Variants in HDAC9 observed in about 807,000 individuals in gnomAD.
HDAC9 encodes the protein MEF-2 interacting transcription repressor (MITR) protein.
A neutral mutation model predicts 139.4 loss-of-function variants in HDAC9; 41 were observed. The observed-to-expected ratio is 0.29, with a 90% CI of 0.23 to 0.38. HDAC9 has a LOEUF of 0.38. HDAC9 is among the 10% of genes least tolerant of loss of function. The pLI is 1.00. For synonymous variants in HDAC9, 517 were observed against 476.2 expected, an observed-to-expected ratio of 1.09 and a Z score of -1.12; for missense variants, 1,147 against 1,297.0, an observed-to-expected ratio of 0.88 and a Z score of 1.78.
rs962432225 is a variant in HDAC9, at chr7:18,996,961, A to G, written c.*899A>G. 1 of 152,196 alleles carries G rather than the reference A, an allele frequency of 6.6e-6. No individual in the cohort carries two copies. The highest frequency in any genetic ancestry group is 2.4e-5 in the African/African-American group (1 of 41,436). The allele number at this position is 152,196 out of a possible 1,614,324, so 9.4% of individuals were successfully genotyped here. ...CAAAGGTGGTCTTAATTTGTTGCAT[A>G]TCTATCAAGGACTTATTCACTCACC... is the stretch of plus-strand genomic sequence containing the variant. On this transcript the variant is annotated 3_prime_UTR_variant, in exon 26 of 26. Transcript: ENST00000686413.
intron 23 of HDAC9, among the ~76,000 whole-genome samples, chr7:18,952,397 C>G (rs547102276): frequency 6.6e-6 from 1 of 152,026 alleles, no homozygotes; most frequent in Admixed American, 6.6e-5. Context: ...CAGGAGCCAG[C>G]ACCTTTCAGT....
intron 1 of HDAC9, among the ~76,000 whole-genome samples, chr7:18,334,276 A>C (rs1781424638): frequency 6.6e-6 from 1 of 151,450 alleles, no homozygotes. Context: ...TGTAAGTATA[A>C]AGTAGCAAAT....
intron 21 of HDAC9, among the ~76,000 whole-genome samples, chr7:18,874,119 C>G (rs374463938): frequency 1.3e-4 from 19 of 151,964 alleles, no homozygotes; most frequent in African/African-American, 4.3e-4. Context: ...CTTTGACTTT[C>G]CTCTGTAAAA....
At chr7:18,411,478 G>A (rs904999444) in intron 1 of HDAC9, among the ~76,000 whole-genome samples, 12 of 152,100 alleles carry the variant, frequency 7.9e-5, no homozygotes, top group East Asian at 1.9e-4. Flanking sequence ...GGGTTCAAGC[G>A]ATCCTCCTGC....
chr7:18,576,020 C>T (rs891559066), intron 2 of HDAC9, among the ~76,000 whole-genome samples: 2 of 152,194 alleles, frequency 1.3e-5, no homozygotes, highest in South Asian at 4.1e-4. Context: ...CTCAGAAAAA[C>T]ATCTATATTA....
chr7:18,458,543 A>C (rs1793552942), intron 1 of HDAC9, among the ~76,000 whole-genome samples: 1 of 152,210 alleles, frequency 6.6e-6, no homozygotes, highest in Admixed American at 6.5e-5. Flanking sequence ...CTGGATAACA[A>C]TTCACAAAGA....
intron 15 of HDAC9, among the ~76,000 whole-genome samples, chr7:18,764,506 T>A (rs1181102427): frequency 1.3e-5 from 2 of 152,190 alleles, no homozygotes; most frequent in Admixed American, 1.3e-4. Flanking sequence ...TCCAAAAGTT[T>A]AGCTAATTTT....
chr7:18,832,681 A>G (rs1184786075), intron 19 of HDAC9, among the ~76,000 whole-genome samples: 7 of 152,158 alleles, frequency 4.6e-5, no homozygotes, highest in Admixed American at 1.3e-4. Context: ...CTGACCAATC[A>G]GTACTTTGTA....
At chr7:18,964,293 C>T (rs1478262308) in intron 24 of HDAC9, among the ~76,000 whole-genome samples, 1 of 152,144 alleles carries the variant, frequency 6.6e-6, no homozygotes. Flanking sequence ...AACTCCTATA[C>T]ATACTTCATA....
At chr7:18,632,660 A>G (rs984074181) in intron 7 of HDAC9, among the ~76,000 whole-genome samples, 1 of 152,108 alleles carries the variant, frequency 6.6e-6, no homozygotes, top group African/African-American at 2.4e-5. Flanking sequence ...ATTAGGCTCT[A>G]TTTTGGAGCA....
chr7:18,876,632 G>A (rs1329306180), intron 22 of HDAC9, among the ~76,000 whole-genome samples: 2 of 151,818 alleles, frequency 1.3e-5, no homozygotes, highest in African/African-American at 2.4e-5. Context: ...GTAGTTAGGT[G>A]AAATTGCATG....
intron 1 of HDAC9, among the ~76,000 whole-genome samples, chr7:18,406,893 C>T (rs1321314263): frequency 4.6e-5 from 7 of 151,668 alleles, no homozygotes; most frequent in African/African-American, 1.7e-4. Context: ...AGATGTATTG[C>T]TTAAAATTAC....
At chr7:18,349,069 A>G (rs1004943193) in intron 1 of HDAC9, among the ~76,000 whole-genome samples, 1 of 152,208 alleles carries the variant, frequency 6.6e-6, no homozygotes, top group South Asian at 2.1e-4. Context: ...TTTTCCCAAT[A>G]TGAGAACATG....
At chr7:18,403,266 A>G (rs767856580) in intron 1 of HDAC9, among the ~76,000 whole-genome samples, 14 of 152,320 alleles carry the variant, frequency 9.2e-5, no homozygotes, top group Middle Eastern at 3.4e-3. Context: ...CATATCCAAG[A>G]TATAATAATG....
At chr7:18,615,963 T>C (rs1393719619) in intron 6 of HDAC9, among the ~76,000 whole-genome samples, 1 of 152,164 alleles carries the variant, frequency 6.6e-6, no homozygotes, top group Non-Finnish European at 1.5e-5. Flanking sequence ...GGCGTGTTCT[T>C]TTCTGGGGAC....
At chr7:18,988,539 G>A (rs1387941683) in intron 25 of HDAC9, among the ~76,000 whole-genome samples, 3 of 152,112 alleles carry the variant, frequency 2.0e-5, no homozygotes, top group Non-Finnish European at 4.4e-5. Context: ...TGTATATTCT[G>A]TTGATTTGGG....
intron 2 of HDAC9, among the ~76,000 whole-genome samples, chr7:18,172,560 T>G (rs183634394): frequency 7.2e-5 from 11 of 152,368 alleles, no homozygotes; most frequent in Admixed American, 7.2e-4. Context: ...TGATTTTAGA[T>G]CTTTCTTGCT....
intron 1 of HDAC9, among the ~76,000 whole-genome samples, chr7:18,334,236 C>A (rs1585224791): frequency 6.6e-6 from 1 of 151,162 alleles, no homozygotes. Flanking sequence ...ATCTACAGAC[C>A]AATAATTTTT....
At chr7:18,590,614 A>C (rs1830679412) in intron 4 of HDAC9, 128 bp downstream of exon 4, 15 of 944,286 alleles carry the variant, frequency 1.6e-5, no homozygotes, top group Non-Finnish European at 2.2e-5. Context: ...AAAAGCATAG[A>C]TTACAGACCC....
Sources: gnomAD v4.1 joint callset for allele counts (sites outside exome capture counted in the v4.1 genomes callset) on GRCh38, gnomAD v4.1.1 for gene constraint, MANE v1.5 for transcripts, NCBI Gene and HGNC (gene_info 2026-07-23, HGNC 2026-07-21) for gene names.